DPF3: variants seen among roughly 807,000 people sequenced by gnomAD.
The protein encoded by DPF3 is zinc finger protein DPF3.
Under a neutral mutation model 56.8 loss-of-function variants are expected in DPF3, and 18 were observed. The ratio of observed to expected loss-of-function variants is 0.32; its 90% confidence interval spans 0.22 to 0.47. The LOEUF (loss-of-function observed/expected upper bound fraction) is 0.47, where lower values mean the gene tolerates loss of function less well. Ranked by LOEUF, DPF3 falls within the 20% of genes least tolerant of loss-of-function variation. DPF3 has a pLI of 1.00. For missense variants in DPF3, 403 were observed against 488.8 expected (o/e 0.82, Z 1.65); for synonymous variants, 188 against 180.2 (o/e 1.04, Z -0.35).
In DPF3 at chr14:72,718,297, C is replaced by T. The variant is rs147032837; in HGVS notation, c.526-3796G>A. ...CCATTTTTATTGAAGCTGAAAGACC[C>T]TTGACTAGGACAGACTCGGTCCCAA... On this transcript the variant is annotated intron_variant, in intron 5 of 10. Coordinates refer to ENST00000556509, the MANE Select transcript of DPF3 (RefSeq NM_001280542.3). Among the ~76,000 whole-genome samples the T allele has an allele frequency of 1.3e-4, 20 of 152,278 alleles. No homozygotes were observed. In the East Asian group the frequency reaches 3.7e-3, roughly 28 times the overall value.
chr14:72,690,593 CA>C (rs1225132108), intron 7 of DPF3, among the ~76,000 whole-genome samples: 3 of 151,160 alleles, frequency 2.0e-5, no homozygotes, highest in Non-Finnish European at 4.4e-5. Context: ...AACACGTATA[CA>C]CACGCACACA....
chr14:72,863,100 A>ATATATATATATGTG (rs1413440131), intron 1 of DPF3, among the ~76,000 whole-genome samples: 5 of 110,614 alleles, frequency 4.5e-5, no homozygotes, highest in African/African-American at 1.8e-4. Context: ...ATATATATAT[A>ATATATATATATGTG]TGTGTGTGTA....
intron 7 of DPF3, among the ~76,000 whole-genome samples, chr14:72,690,536 C>G (rs1298546185): frequency 1.5e-5 from 2 of 131,150 alleles, no homozygotes; most frequent in East Asian, 3.9e-4. Context: ...CACACATGCA[C>G]AAACAACACG....
At chr14:72,741,053 A>C (rs1226304965) in intron 3 of DPF3, among the ~76,000 whole-genome samples, 1 of 152,036 alleles carries the variant, frequency 6.6e-6, no homozygotes, top group African/African-American at 2.4e-5. Flanking sequence ...ATAAATAAAT[A>C]AATAAAATAA....
In DPF3 at chr14:72,611,424, T is replaced by C. The variant is rs1160613762; in HGVS notation, c.*7873A>G. Among the ~76,000 whole-genome samples the C allele has an allele frequency of 6.6e-6, 1 of 152,232 alleles. No homozygotes were observed. The highest frequency in any genetic ancestry group is 2.4e-5 in the African/African-American group (1 of 41,464). ...CCTCTCTGATGCTGGGTTTCATCCC[T>C]GCACACACCAGCAGTGCCAGATACA... On this transcript the variant is annotated 3_prime_UTR_variant, in exon 11 of 11. Transcript: ENST00000556509.
chr14:72,720,173 C>T (rs1361825066), intron 5 of DPF3, among the ~76,000 whole-genome samples: 1 of 152,036 alleles, frequency 6.6e-6, no homozygotes, highest in Non-Finnish European at 1.5e-5. Flanking sequence ...CCAGTGCCAG[C>T]AGCAGCTGGA....
In DPF3 at chr14:72,756,914, G is replaced by GAAAGAA. The variant is rs1184144556; in HGVS notation, c.194-3549_194-3544dup. Among the ~76,000 whole-genome samples the GAAAGAA allele has an allele frequency of 1.6e-3, 219 of 135,260 alleles. 2 individuals are homozygous for GAAAGAA. The highest frequency in any genetic ancestry group is 6.8e-3 in the African/African-American group (212 of 31,112). 88.7% of individuals were successfully genotyped at this position (135,260 alleles called of 152,430 possible). On this transcript the variant is annotated intron_variant, in intron 2 of 10. Transcript: ENST00000556509. ...GAAAGAAAGAAAAGAAAAAAAGAAAGAAAGAAAGAAAGAAAGAAGAGAAGA... is the reference window on the plus strand; with the variant it reads ...GAAAGAAAGAAAAGAAAAAAAGAAAGAAAGAAAAAGAAAGAAAGAAAGAAGAGAAGA...
Position 72,663,166 on chromosome 14 carries a change from C to CAAAAAAAAAAAAAAA in DPF3, c.871+11059_871+11073dup, listed in dbSNP as rs56335418. 2.6e-3 allele frequency among the ~76,000 whole-genome samples: 230 copies of CAAAAAAAAAAAAAAA among 88,438 alleles called. 6 individuals are homozygous for CAAAAAAAAAAAAAAA. Among genetic ancestry groups the CAAAAAAAAAAAAAAA allele is most frequent in the African/African-American group, 9.2e-3 (204 of 22,176 alleles). 58.0% of individuals were successfully genotyped at this position (88,438 alleles called of 152,430 possible). The stretch of plus-strand genomic sequence containing the variant: ...TGTAGCAGGCAGAACTGGGTGTTAG[C>CAAAAAAAAAAAAAAA]AAAAAAAAAAAAAAAAAATTCCCCT... On this transcript the variant is annotated intron_variant, in intron 8 of 10. Coordinates refer to ENST00000556509, the MANE Select transcript of DPF3 (RefSeq NM_001280542.3).
At chr14:72,752,184 G>T in intron 3 of DPF3, among the ~76,000 whole-genome samples, 1 of 152,166 alleles carries the variant, frequency 6.6e-6, no homozygotes, top group East Asian at 1.9e-4. Flanking sequence ...GGTGACAGTG[G>T]GAGGAAGTAT....
intron 1 of DPF3, among the ~76,000 whole-genome samples, chr14:72,772,921 A>G (rs1332515775): frequency 6.6e-6 from 1 of 152,138 alleles, no homozygotes; most frequent in Non-Finnish European, 1.5e-5. Flanking sequence ...GTGTGGGAAG[A>G]AGAAGTAGGA....
intron 2 of DPF3, among the ~76,000 whole-genome samples, chr14:72,760,211 C>G (rs895394330): frequency 2.0e-5 from 3 of 152,128 alleles, no homozygotes; most frequent in African/African-American, 7.2e-5. Flanking sequence ...TGGCTCATAC[C>G]TGTAATCCCA....
At chr14:72,709,663 C>T (rs1282669600) in intron 6 of DPF3, among the ~76,000 whole-genome samples, 7 of 152,076 alleles carry the variant, frequency 4.6e-5, no homozygotes, top group African/African-American at 1.2e-4. Flanking sequence ...TAGGGTATGG[C>T]GGTTCTAGAG....
intron 6 of DPF3, among the ~76,000 whole-genome samples, chr14:72,705,155 G>A (rs1033631277): frequency 6.6e-6 from 1 of 152,104 alleles, no homozygotes; most frequent in African/African-American, 2.4e-5. Context: ...ATTTACAGCT[G>A]CTCCTCATCA....
At chr14:72,804,367 C>T (rs557794870) in intron 1 of DPF3, among the ~76,000 whole-genome samples, 10 of 152,182 alleles carry the variant, frequency 6.6e-5, no homozygotes, top group Admixed American at 2.6e-4. Context: ...GAAGCGATGG[C>T]GAAGTCAAGG....
chr14:72,893,059 T>C (rs1039290628), intron 1 of DPF3, among the ~76,000 whole-genome samples: 3 of 151,872 alleles, frequency 2.0e-5, no homozygotes, highest in Non-Finnish European at 4.4e-5. Context: ...AGGCAGAAAT[T>C]GGCTGTTGGA....
intron 2 of DPF3, among the ~76,000 whole-genome samples, chr14:72,770,639 A>G (rs1171996340): frequency 6.6e-6 from 1 of 152,246 alleles, no homozygotes; most frequent in Non-Finnish European, 1.5e-5. Context: ...GAGTGCGTAT[A>G]GATGAAACAC....
intron 9 of DPF3, among the ~76,000 whole-genome samples, chr14:72,620,811 C>T (rs939889704): frequency 2.0e-5 from 3 of 152,212 alleles, no homozygotes; most frequent in African/African-American, 7.2e-5. Context: ...TTTTCCTTTA[C>T]GTTACATGCC....
intron 1 of DPF3, among the ~76,000 whole-genome samples, chr14:72,809,367 C>T (rs1193359109): frequency 1.3e-5 from 2 of 152,258 alleles, no homozygotes; most frequent in African/African-American, 2.4e-5. Context: ...CTGGTCCCTC[C>T]ATCATCTAGG....
At chr14:72,691,626 C>T (rs1479771914) in intron 7 of DPF3, among the ~76,000 whole-genome samples, 1 of 151,838 alleles carries the variant, frequency 6.6e-6, no homozygotes. Flanking sequence ...GCTTGGGAGG[C>T]TGAGGCAGGA....
Sources: allele counts gnomAD v4.1 joint callset (sites outside exome capture counted in the v4.1 genomes callset), GRCh38; gene constraint gnomAD v4.1.1; transcripts MANE v1.5; gene names NCBI Gene and HGNC (gene_info 2026-07-23, HGNC 2026-07-21).